TLE2: variants seen among roughly 807,000 people sequenced by gnomAD.
TLE2 encodes TLE family member 2, transcriptional corepressor.
A neutral mutation model predicts 97.2 loss-of-function variants in TLE2; 74 were observed. That is an observed-to-expected ratio of 0.76 (90% CI 0.63 to 0.92). The LOEUF is 0.92. Ranked by LOEUF, TLE2 falls within the 40% of genes least tolerant of loss-of-function variation. The pLI is 0.00. For missense variants in TLE2, 1,038 were observed against 1,008.7 expected (o/e 1.03, Z -0.39); for synonymous variants, 499 against 432.1 (o/e 1.15, Z -1.92).
At chr19:3,028,651 G>C in intron 2 of TLE2, 55 bp downstream of exon 2, 2 of 1,588,462 alleles carry the variant, frequency 1.3e-6, no homozygotes. Flanking sequence ...CGGAGGCCTC[G>C]CCCCGCCCCG....
chr19:3,015,833 G>T, intron 8 of TLE2, 73 bp from the exon 9 acceptor site: 1 of 1,107,502 alleles, frequency 9.0e-7, no homozygotes. Flanking sequence ...TGATCCAGCC[G>T]AGACTGAGGG....
intron 3 of TLE2, among the ~76,000 whole-genome samples, 188 bp downstream of exon 3, chr19:3,028,131 G>C (rs939488597): frequency 6.6e-6 from 1 of 152,184 alleles, no homozygotes; most frequent in East Asian, 1.9e-4. Flanking sequence ...CATCAGGCGA[G>C]GGGTCCTCCC....
rs1242013928 is a variant in TLE2 at position 3,019,481 on chromosome 19, G to A, written c.370-18C>T. The A allele has an allele frequency of 2.0e-6, 3 of 1,500,456 alleles. No individual in the cohort carries two copies. The highest frequency in any genetic ancestry group is 2.8e-5 in the African/African-American group (2 of 72,268). 92.9% of individuals were successfully genotyped at this position (1,500,456 alleles called of 1,614,324 possible). Reference sequence around the variant, plus strand: ...AGCTGCTGCTGCTAGAAAGGAGGCAGGATGGGCCGGGGCGGGGGGCGGCAG... The same window carrying A: ...AGCTGCTGCTGCTAGAAAGGAGGCAAGATGGGCCGGGGCGGGGGGCGGCAG... On this transcript the variant is annotated intron_variant, in intron 6 of 19. Transcript: ENST00000262953. This position sits in a 1 kb window ranked among gnomAD's most constrained non-coding sequence, Gnocchi z 5.1.
chr19:3,023,948 A>T (rs2089896183), intron 5 of TLE2, among the ~76,000 whole-genome samples: 1 of 151,510 alleles, frequency 6.6e-6, no homozygotes, highest in South Asian at 2.1e-4. Flanking sequence ...GACTGTGCAA[A>T]GGTACTGAGG....
At chr19:3,047,200 C>A (rs1204961159), upstream of TLE2, among the ~76,000 whole-genome samples, 1 of 114,190 alleles carries the variant, frequency 8.8e-6, no homozygotes, top group Non-Finnish European at 1.8e-5. Context: ...CCTCATTAGG[C>A]GCGGCCGCGG....
At chr19:3,036,278 C>G (rs550982032) in intron 1 of TLE2, among the ~76,000 whole-genome samples, 3 of 152,340 alleles carry the variant, frequency 2.0e-5, no homozygotes, top group Middle Eastern at 3.4e-3. Context: ...TTCCCAGAAG[C>G]TCCCGCGCGG....
intron 4 of TLE2, chr19:3,025,742 G>T (rs1214746020): frequency 5.8e-6 from 2 of 346,646 alleles, no homozygotes; most frequent in Non-Finnish European, 4.1e-6. Context: ...TGTGCTGTGT[G>T]TCTGGCGAAG....
At chr19:3,028,003 G>T in intron 3 of TLE2, 130 bp from the exon 4 acceptor site, 2 of 928,576 alleles carry the variant, frequency 2.2e-6, no homozygotes, top group Non-Finnish European at 3.3e-6. Context: ...GCCCCCCCCA[G>T]CTCCACGGGG....
intron 1 of TLE2, among the ~76,000 whole-genome samples, chr19:3,035,461 C>A (rs1025847168): frequency 1.3e-5 from 2 of 152,072 alleles, no homozygotes; most frequent in African/African-American, 2.4e-5. Context: ...CCGCCGATCT[C>A]CCCCTTCCCA....
chr19:3,046,671 G>C (rs2090143376), upstream of TLE2, among the ~76,000 whole-genome samples: 5 of 151,476 alleles, frequency 3.3e-5, no homozygotes, highest in Admixed American at 3.3e-4. Flanking sequence ...GGGGGCAATC[G>C]AGGCCCAGCG....
intron 10 of TLE2, 103 bp downstream of exon 10, chr19:3,014,467 C>G: frequency 8.8e-7 from 1 of 1,131,286 alleles, no homozygotes; most frequent in Non-Finnish European, 1.2e-6. Flanking sequence ...TCCCACAGAG[C>G]GGGGAACCAG....
At chr19:3,026,864 A>T (rs1312638593) in intron 4 of TLE2, among the ~76,000 whole-genome samples, 6 of 152,116 alleles carry the variant, frequency 3.9e-5, no homozygotes, top group Non-Finnish European at 8.8e-5. Flanking sequence ...GGTCTATCTC[A>T]GAACTCTGAG....
chr19:3,034,474 A>T (rs997869992), intron 1 of TLE2, among the ~76,000 whole-genome samples: 3 of 149,936 alleles, frequency 2.0e-5, no homozygotes, highest in Non-Finnish European at 3.0e-5. Flanking sequence ...AACCCCCTCC[A>T]GCCACCCTGG....
At chr19:3,011,847 CAAAAACA>C (rs1568237506) in intron 11 of TLE2, among the ~76,000 whole-genome samples, 1 of 150,382 alleles carries the variant, frequency 6.6e-6, no homozygotes, top group Non-Finnish European at 1.5e-5. Context: ...CAAAACTCTA[CAAAAACA>C]AAAAACAAAA....
chr19:3,009,679 A>G lies in TLE2; in HGVS notation c.1036T>C (p.Ser346Pro), dbSNP rs759549616. The change falls in exon 13 of 20, where the codon TCC becomes CCC. Residue 346 changes from serine to proline, a missense_variant. Ser to Pro is a moderately conservative substitution (Grantham distance 74, BLOSUM62 -1). Coordinates refer to ENST00000262953, the MANE Select transcript of TLE2 (RefSeq NM_003260.5). ...CTGAAGGACGTGGTGAAGGGACTGG[A>G]CAGAGTCAGGGGGCTCCTCAGGGCT... ...SVALRSPLTL[S>P]SPFTTSFSLG... is the part of the protein sequence containing the mutation. The G allele has an allele frequency of 1.5e-5, 24 of 1,612,558 alleles. No homozygotes were observed. In the East Asian group the frequency reaches 3.8e-4, roughly 25 times the overall value.
At chr19:3,030,849 G>C (rs1213732912), upstream of TLE2, among the ~76,000 whole-genome samples, 2 of 151,826 alleles carry the variant, frequency 1.3e-5, no homozygotes, top group Admixed American at 1.3e-4. Flanking sequence ...CTACTTGGGG[G>C]GCTGAGGCGG....
intron 1 of TLE2, among the ~76,000 whole-genome samples, chr19:3,038,560 C>T (rs773143880): frequency 2.4e-4 from 36 of 152,226 alleles, no homozygotes; most frequent in Non-Finnish European, 4.8e-4. Context: ...CCCTCACGCT[C>T]CACATCTATG....
chr19:3,005,817 T>C lies in TLE2; in HGVS notation c.1652A>G (p.Tyr551Cys), dbSNP rs2089462306. Reference sequence around the variant, plus strand: ...GGCGTCGGGGCTGACGGCCAGGGCGTAGCAGGCTGGGGCTGAGGAAGTCAG... The same window carrying C: ...GGCGTCGGGGCTGACGGCCAGGGCGCAGCAGGCTGGGGCTGAGGAAGTCAG... ...AELTSSAPAC[Y>C]ALAVSPDAKV... is the part of the protein sequence containing the mutation. The change falls in exon 16 of 20, where the codon TAC becomes TGC. Residue 551 changes from tyrosine to cysteine, a missense_variant. Physicochemically the swap from Tyr to Cys is radical, Grantham distance 194. Coordinates refer to ENST00000262953, the MANE Select transcript of TLE2 (RefSeq NM_003260.5). 1 of 1,613,820 alleles carries C rather than the reference T, an allele frequency of 6.2e-7. No homozygotes were observed. Among genetic ancestry groups the C allele is most frequent in the African/African-American group, 1.3e-5 (1 of 74,926 alleles).
At chr19:2,998,437 C>G (rs948406253) in intron 19 of TLE2, among the ~76,000 whole-genome samples, 2 of 151,612 alleles carry the variant, frequency 1.3e-5, no homozygotes, top group Admixed American at 6.6e-5. Flanking sequence ...GCCACCATGC[C>G]TGGCTAATTT....
Sources: gnomAD v4.1 joint callset for allele counts (sites outside exome capture counted in the v4.1 genomes callset) on GRCh38, gnomAD v4.1.1 for gene constraint, Gnocchi (gnomAD v3.1) non-coding constraint, MANE v1.5 for transcripts, NCBI Gene and HGNC (gene_info 2026-07-23, HGNC 2026-07-21) for gene names.